The following CSNK1G3 variants were observed in gnomAD, a reference collection of about 807,000 sequenced individuals.
CSNK1G3 encodes casein kinase 1 gamma 3.
In CSNK1G3, 23 loss-of-function variants were observed where a neutral mutation model predicts 64.3. The ratio of observed to expected loss-of-function variants is 0.36; its 90% CI spans 0.26 to 0.51. The LOEUF is 0.51. Ranked by LOEUF, CSNK1G3 falls within the 20% of genes least tolerant of loss-of-function variation. The pLI, the probability that CSNK1G3 is intolerant of heterozygous loss-of-function variation, is 0.96. For missense variants in CSNK1G3, 357 were observed against 510.5 expected (o/e 0.70, Z 2.90); for synonymous variants, 158 against 162.2 (o/e 0.97, Z 0.20).
intron 4 of CSNK1G3, among the ~76,000 whole-genome samples, chr5:123,567,605 T>A (rs111997942): frequency 0.014 from 2,071 of 151,626 alleles, 33 homozygotes; most frequent in African/African-American, 0.04. Flanking sequence ...GACTCCATTT[T>A]AAAAAAAAAT....
chr5:123,584,050 T>C (rs1790853165), intron 6 of CSNK1G3, among the ~76,000 whole-genome samples: 1 of 152,130 alleles, frequency 6.6e-6, no homozygotes, highest in African/African-American at 2.4e-5. Flanking sequence ...ACTTACCTAC[T>C]AGTTGTAATA....
At chr5:123,576,772 T>C (rs888886426) in intron 6 of CSNK1G3, among the ~76,000 whole-genome samples, 1 of 152,112 alleles carries the variant, frequency 6.6e-6, no homozygotes, top group Non-Finnish European at 1.5e-5. Flanking sequence ...TTGGACGATA[T>C]CTGCCAAATT....
chr5:123,518,633 A>G (rs1777583933), intron 1 of CSNK1G3, among the ~76,000 whole-genome samples: 1 of 152,140 alleles, frequency 6.6e-6, no homozygotes, highest in Non-Finnish European at 1.5e-5. Flanking sequence ...TATTGACCAG[A>G]ATTAGGTCAC....
intron 1 of CSNK1G3, among the ~76,000 whole-genome samples, chr5:123,531,872 T>C (rs963553741): frequency 6.6e-6 from 1 of 151,872 alleles, no homozygotes; most frequent in African/African-American, 2.4e-5. Flanking sequence ...TTACAAAAAA[T>C]TGTAAGCAGG....
chr5:123,597,363 C>T (rs1442877055), intron 10 of CSNK1G3, among the ~76,000 whole-genome samples: 6 of 152,048 alleles, frequency 3.9e-5, no homozygotes, highest in Non-Finnish European at 8.8e-5. Flanking sequence ...AGAGACATTT[C>T]CCTAATTAAT....
intron 1 of CSNK1G3, among the ~76,000 whole-genome samples, chr5:123,530,364 T>A (rs538454479): frequency 1.3e-4 from 20 of 152,298 alleles, no homozygotes; most frequent in African/African-American, 4.8e-4. Context: ...TTTAATAATT[T>A]ATTTAATTGT....
At chr5:123,527,830 A>C (rs1443424519) in intron 1 of CSNK1G3, among the ~76,000 whole-genome samples, 1 of 152,136 alleles carries the variant, frequency 6.6e-6, no homozygotes, top group Non-Finnish European at 1.5e-5. Context: ...AATATATTTT[A>C]TTTTAGGTTT....
intron 6 of CSNK1G3, among the ~76,000 whole-genome samples, chr5:123,578,649 G>A (rs201010234): frequency 2.6e-5 from 4 of 151,730 alleles, no homozygotes; most frequent in Admixed American, 2.6e-4. Context: ...TATGGTTATT[G>A]CCTTTTGAAT....
At chr5:123,605,286 T>C in intron 11 of CSNK1G3, 53 bp from the exon 13 acceptor site, 1 of 1,457,172 alleles carries the variant, frequency 6.9e-7, no homozygotes. Context: ...CTGTTTCTGA[T>C]TCTCTCTCTC....
At chr5:123,608,463 TTCA>T (rs1449829616) in intron 12 of CSNK1G3, among the ~76,000 whole-genome samples, 2 of 152,192 alleles carry the variant, frequency 1.3e-5, no homozygotes, top group African/African-American at 4.8e-5. Flanking sequence ...TGATAGCACC[TTCA>T]TCATTCCTTC....
intron 1 of CSNK1G3, among the ~76,000 whole-genome samples, chr5:123,540,869 T>C (rs936559351): frequency 6.6e-6 from 1 of 152,194 alleles, no homozygotes; most frequent in African/African-American, 2.4e-5. Flanking sequence ...TCAAGTGATA[T>C]ATACCCACCT....
intron 4 of CSNK1G3, among the ~76,000 whole-genome samples, chr5:123,558,486 TTTAATAAAATG>T (rs1302217288): frequency 6.6e-6 from 1 of 152,208 alleles, no homozygotes; most frequent in Non-Finnish European, 1.5e-5. Flanking sequence ...TTTCTCCAGA[TTTAATAAAATG>T]GAATTTCTTC....
intron 10 of CSNK1G3, 82 bp downstream of exon 11, chr5:123,595,216 C>CCAA: frequency 8.0e-7 from 1 of 1,253,938 alleles, no homozygotes; most frequent in Non-Finnish European, 1.1e-6. Context: ...GGCATGATTT[C>CCAA]ATATCTTAAT....
At chr5:123,525,083 C>CA (rs201717612) in intron 1 of CSNK1G3, among the ~76,000 whole-genome samples, 3,574 of 152,222 alleles carry the variant, frequency 0.023, 66 homozygotes, top group Middle Eastern at 0.038. Context: ...TATTGTAGTT[C>CA]GTATCATATT....
At chr5:123,608,661 T>C (rs1371024134) in intron 12 of CSNK1G3, among the ~76,000 whole-genome samples, 3 of 152,180 alleles carry the variant, frequency 2.0e-5, no homozygotes, top group African/African-American at 7.2e-5. Context: ...GAAAGTATAC[T>C]AACAACTTTT....
intron 12 of CSNK1G3, among the ~76,000 whole-genome samples, chr5:123,606,474 T>C (rs935703764): frequency 2.0e-5 from 3 of 152,174 alleles, no homozygotes; most frequent in Non-Finnish European, 4.4e-5. Context: ...CTGCCACTTA[T>C]TTGTTACCTT....
intron 1 of CSNK1G3, among the ~76,000 whole-genome samples, chr5:123,539,109 T>C (rs1272833751): frequency 2.6e-5 from 4 of 152,180 alleles, no homozygotes; most frequent in Non-Finnish European, 4.4e-5. Flanking sequence ...ACTGGAGTTA[T>C]AGGCATGAGC....
intron 1 of CSNK1G3, among the ~76,000 whole-genome samples, chr5:123,528,119 G>A (rs1292926853): frequency 6.6e-6 from 1 of 152,058 alleles, no homozygotes; most frequent in East Asian, 1.9e-4. Flanking sequence ...TGACTCAAGT[G>A]GAATTTAGAG....
intron 6 of CSNK1G3, among the ~76,000 whole-genome samples, chr5:123,576,476 T>C (rs1456119933): frequency 2.0e-5 from 3 of 152,180 alleles, no homozygotes; most frequent in South Asian, 4.1e-4. Flanking sequence ...GGGTTTCTTA[T>C]TGGTAAAAAG....
Sources: allele counts gnomAD v4.1 joint callset (sites outside exome capture counted in the v4.1 genomes callset), GRCh38; gene constraint gnomAD v4.1.1; transcripts MANE v1.5; gene names NCBI Gene and HGNC (gene_info 2026-07-23, HGNC 2026-07-21).